Variants in NBAS observed in about 807,000 individuals in gnomAD.
NBAS encodes the protein NAG/BC035112 fusion.
In NBAS, 219 loss-of-function variants were observed where a neutral mutation model predicts 302.5. The ratio of observed to expected loss-of-function variants is 0.72; its 90% CI spans 0.65 to 0.81. The LOEUF is 0.81. Among genes scored for constraint, NBAS ranks in the 30% least tolerant of loss-of-function variants. The pLI is 0.00. For synonymous variants in NBAS, 1,118 were observed against 1,021.6 expected (o/e 1.09, Z -1.80); for missense variants, 2,932 against 2,841.6 (o/e 1.03, Z -0.72).
intron 51 of NBAS, among the ~76,000 whole-genome samples, chr2:15,169,366 TCTC>T (rs1263684261): frequency 6.6e-6 from 1 of 152,182 alleles, no homozygotes; most frequent in Non-Finnish European, 1.5e-5. Context: ...AGCTTTGACT[TCTC>T]CTCGCTGGGG....
Position 15,276,717 on chromosome 2 carries a change from A to G in NBAS, c.5389+134T>C, listed in dbSNP as rs146270900. On this transcript the variant is annotated intron_variant, in intron 43 of 51. Transcript: ENST00000281513. Reference sequence around the variant, plus strand: ...TGAAAGAGTTGGAAAGATAATAACTAAAGTCGATTAGCTTCAAAATTCTGT... The same window carrying G: ...TGAAAGAGTTGGAAAGATAATAACTGAAGTCGATTAGCTTCAAAATTCTGT... The G allele has an allele frequency of 1.3e-3, 1,665 of 1,309,704 alleles. 7 individuals carry two copies. In the African/African-American group the frequency reaches 0.017, roughly 13 times the overall value. 81.1% of individuals were successfully genotyped at this position (1,309,704 alleles called of 1,614,324 possible).
At chr2:15,496,252 C>A (rs1681066733) in intron 11 of NBAS, among the ~76,000 whole-genome samples, 1 of 152,050 alleles carries the variant, frequency 6.6e-6, no homozygotes, top group Non-Finnish European at 1.5e-5. Flanking sequence ...TTTTATAATT[C>A]TATTCATATA....
chr2:14,815,150 G>T, the NBAS span, among the ~76,000 whole-genome samples: 78 of 152,270 alleles, frequency 5.1e-4, 1 homozygote, highest in African/African-American at 1.8e-3. Context: ...CCAAGTCTTA[G>T]GTAGTTCTTT....
chr2:15,399,606 A>T (rs1202653890), intron 26 of NBAS, among the ~76,000 whole-genome samples: 1 of 151,946 alleles, frequency 6.6e-6, no homozygotes, highest in Non-Finnish European at 1.5e-5. Flanking sequence ...GTCCACTCTG[A>T]TTTACCTTTC....
chr2:15,316,856 G>C (rs1325539249), intron 38 of NBAS, among the ~76,000 whole-genome samples: 1 of 152,196 alleles, frequency 6.6e-6, no homozygotes, highest in Non-Finnish European at 1.5e-5. Flanking sequence ...CTGTCTGACA[G>C]CTCTGAAGAG....
intron 6 of NBAS, among the ~76,000 whole-genome samples, chr2:15,546,498 G>T (rs975096888): frequency 3.3e-5 from 5 of 152,074 alleles, no homozygotes; most frequent in Non-Finnish European, 7.3e-5. Flanking sequence ...GGAGACCAAG[G>T]CAGGTGGATC....
chr2:15,388,821 T>A (rs558985987), intron 28 of NBAS, among the ~76,000 whole-genome samples: 1 of 152,286 alleles, frequency 6.6e-6, no homozygotes, highest in African/African-American at 2.4e-5. Flanking sequence ...AACAAACTAA[T>A]GTTATACCAA....
chr2:15,394,379 C>T (rs762192919), intron 27 of NBAS, 30 bp from the exon 28 acceptor site: 1 of 1,609,438 alleles, frequency 6.2e-7, no homozygotes, highest in South Asian at 1.1e-5. Context: ...TATTTAATGT[C>T]TTGCTACCAA....
chr2:15,105,782 G>A, the NBAS span, among the ~76,000 whole-genome samples: 2 of 152,160 alleles, frequency 1.3e-5, no homozygotes, highest in Non-Finnish European at 2.9e-5. Context: ...TAGGTACAGT[G>A]CAACATGGCA....
the NBAS span, among the ~76,000 whole-genome samples, chr2:15,135,925 G>A: frequency 6.6e-6 from 1 of 150,488 alleles, no homozygotes; most frequent in East Asian, 2.0e-4. Context: ...TAAGAAATTT[G>A]ACGAATTTGT....
intron 9 of NBAS, among the ~76,000 whole-genome samples, chr2:15,525,350 T>TA (rs1311716052): frequency 6.6e-6 from 1 of 152,212 alleles, no homozygotes. Flanking sequence ...CTATGGTCTG[T>TA]GCCCAGTACA....
At chr2:14,895,783 G>C in the NBAS span, among the ~76,000 whole-genome samples, 2 of 150,462 alleles carry the variant, frequency 1.3e-5, no homozygotes, top group Non-Finnish European at 3.0e-5. Context: ...ATAATCAACA[G>C]ACAACCTACA....
chr2:15,534,980 G>A (rs1283111589), intron 8 of NBAS, among the ~76,000 whole-genome samples: 1 of 152,002 alleles, frequency 6.6e-6, no homozygotes, highest in East Asian at 1.9e-4. Context: ...CTGGAAACAG[G>A]GTTCTATCAA....
intron 29 of NBAS, among the ~76,000 whole-genome samples, chr2:15,380,435 T>C (rs1674976690): frequency 6.6e-6 from 1 of 152,196 alleles, no homozygotes; most frequent in Non-Finnish European, 1.5e-5. Flanking sequence ...AATTCATAAC[T>C]GCTTGAAGCA....
intron 32 of NBAS, among the ~76,000 whole-genome samples, chr2:15,360,390 A>C (rs1673850209): frequency 6.6e-6 from 1 of 151,408 alleles, no homozygotes; most frequent in Admixed American, 6.6e-5. Flanking sequence ...GCTGGAGTGT[A>C]ATGGCATGAT....
the NBAS span, among the ~76,000 whole-genome samples, chr2:15,043,765 C>T: frequency 6.6e-6 from 1 of 152,218 alleles, no homozygotes; most frequent in African/African-American, 2.4e-5. Flanking sequence ...AAGTCTAGCT[C>T]TGCCAGGAAC....
At chr2:15,451,833 A>T (rs1344936046) in intron 21 of NBAS, among the ~76,000 whole-genome samples, 1 of 152,164 alleles carries the variant, frequency 6.6e-6, no homozygotes, top group Non-Finnish European at 1.5e-5. Context: ...GATTCAGGCA[A>T]AAATAGTGAC....
At chr2:15,092,265 A>G in the NBAS span, among the ~76,000 whole-genome samples, 3 of 152,216 alleles carry the variant, frequency 2.0e-5, no homozygotes, top group Non-Finnish European at 4.4e-5. Context: ...CCCAGTTTCC[A>G]TTGTTGAACT....
the NBAS span, among the ~76,000 whole-genome samples, chr2:15,137,281 C>T: frequency 2.0e-5 from 3 of 152,186 alleles, no homozygotes; most frequent in African/African-American, 4.8e-5. Context: ...GTGTTAAAGA[C>T]ATATTTAGTA....
Sources: allele counts gnomAD v4.1 joint callset (sites outside exome capture counted in the v4.1 genomes callset), GRCh38; gene constraint gnomAD v4.1.1; transcripts MANE v1.5; gene names NCBI Gene and HGNC (gene_info 2026-07-23, HGNC 2026-07-21).